NRXN3: variants seen among roughly 807,000 people sequenced by gnomAD.
NRXN3 encodes neurexin III.
In NRXN3, 32 loss-of-function variants were observed where a neutral mutation model predicts 137.6. That is an observed-to-expected ratio of 0.23 (90% CI 0.18 to 0.31). The LOEUF (loss-of-function observed/expected upper bound fraction) is 0.31, where lower values mean the gene tolerates loss of function less well. Among genes scored for constraint, NRXN3 ranks in the 10% least tolerant of loss-of-function variants. The pLI, the probability that NRXN3 is intolerant of heterozygous loss-of-function variation, is 1.00. For missense variants in NRXN3, 1,574 were observed against 2,062.5 expected, an observed-to-expected ratio of 0.76 and a Z score of 4.59; for synonymous variants, 798 against 784.5, an observed-to-expected ratio of 1.02 and a Z score of -0.29.
intron 4 of NRXN3, among the ~76,000 whole-genome samples, chr14:78,333,516 G>C (rs1237222054): frequency 6.6e-6 from 1 of 151,000 alleles, no homozygotes. Context: ...TAGATACATA[G>C]ATAGATGCTG....
At chr14:78,698,892 A>G (rs2098252871) in intron 6 of NRXN3, among the ~76,000 whole-genome samples, 1 of 152,024 alleles carries the variant, frequency 6.6e-6, no homozygotes. Context: ...TCATCTCATT[A>G]CTTATTTTCA....
At chr14:79,835,101 G>T (rs764098050) in intron 20 of NRXN3, among the ~76,000 whole-genome samples, 2 of 152,028 alleles carry the variant, frequency 1.3e-5, no homozygotes, top group Non-Finnish European at 2.9e-5. Flanking sequence ...AAGTTCAAGA[G>T]ATCTATTGCA....
intron 4 of NRXN3, among the ~76,000 whole-genome samples, chr14:78,419,904 A>G (rs924913372): frequency 6.6e-6 from 1 of 151,540 alleles, no homozygotes; most frequent in East Asian, 2.0e-4. Flanking sequence ...AGGACTTTAC[A>G]TGTGTGTGTG....
intron 4 of NRXN3, among the ~76,000 whole-genome samples, chr14:78,422,553 T>A (rs1443528594): frequency 1.3e-5 from 2 of 152,140 alleles, no homozygotes; most frequent in Non-Finnish European, 2.9e-5. Flanking sequence ...ACTGTATAAT[T>A]TTTTTCTTTG....
At chr14:79,140,640 T>C (rs2058705499) in intron 15 of NRXN3, among the ~76,000 whole-genome samples, 1 of 151,086 alleles carries the variant, frequency 6.6e-6, no homozygotes, top group Non-Finnish European at 1.5e-5. Context: ...TAGTGGTTTG[T>C]TACCAAAAAA....
intron 15 of NRXN3, among the ~76,000 whole-genome samples, chr14:79,443,191 TCCTC>T: frequency 6.6e-6 from 1 of 152,342 alleles, no homozygotes. Context: ...GTATTTGACT[TCCTC>T]CTTGCACAGT....
intron 4 of NRXN3, among the ~76,000 whole-genome samples, chr14:78,440,374 A>G (rs1270782897): frequency 6.6e-6 from 1 of 152,064 alleles, no homozygotes; most frequent in Admixed American, 6.5e-5. Context: ...AGATGCAGGC[A>G]TCAGCTGATG....
intron 15 of NRXN3, among the ~76,000 whole-genome samples, chr14:79,194,434 G>C (rs899351486): frequency 1.3e-5 from 2 of 152,196 alleles, no homozygotes; most frequent in African/African-American, 4.8e-5. Flanking sequence ...GAACAGAACT[G>C]TCTGACCAGA....
chr14:78,904,052 A>G (rs2099206711), intron 10 of NRXN3, among the ~76,000 whole-genome samples: 1 of 152,050 alleles, frequency 6.6e-6, no homozygotes, highest in African/African-American at 2.4e-5. Context: ...CATTAGGACA[A>G]TTATGTCTAT....
At chr14:79,567,752 G>A (rs1318785409) in intron 16 of NRXN3, among the ~76,000 whole-genome samples, 2 of 152,062 alleles carry the variant, frequency 1.3e-5, no homozygotes, top group African/African-American at 4.8e-5. Flanking sequence ...AAAAGTTTTA[G>A]ATATTTTTTA....
chr14:79,295,000 G>A (rs957456131), intron 15 of NRXN3, among the ~76,000 whole-genome samples: 1 of 151,664 alleles, frequency 6.6e-6, no homozygotes, highest in African/African-American at 2.4e-5. Flanking sequence ...CACCATTGGA[G>A]CCATCCATCT....
At chr14:78,477,568 C>T (rs2095401688) in intron 4 of NRXN3, among the ~76,000 whole-genome samples, 1 of 152,094 alleles carries the variant, frequency 6.6e-6, no homozygotes. Flanking sequence ...GTTTCATGAC[C>T]AATGCAAATC....
chr14:78,764,799 G>T lies in NRXN3; in HGVS notation c.2045-38821G>T, dbSNP rs1185627368. Among the ~76,000 whole-genome samples, 9 of 152,030 alleles carry T rather than the reference G, an allele frequency of 5.9e-5. 1 individual carries two copies. Among genetic ancestry groups the T allele is most frequent in the Admixed American group, 5.9e-4 (9 of 15,268 alleles). On this transcript the variant is annotated intron_variant, in intron 8 of 20. Coordinates refer to ENST00000335750, the MANE Select transcript of NRXN3 (RefSeq NM_001330195.2). ...TTAGATCAGGCTTCCAAGAGTTTTCGAGAGGAGTGCACCATTAGACCTTGC... is the reference window on the plus strand; with the variant it reads ...TTAGATCAGGCTTCCAAGAGTTTTCTAGAGGAGTGCACCATTAGACCTTGC...
chr14:78,940,257 C>G (rs2099350484), intron 10 of NRXN3, among the ~76,000 whole-genome samples: 1 of 152,176 alleles, frequency 6.6e-6, no homozygotes, highest in South Asian at 2.1e-4. Flanking sequence ...TCTGCACATT[C>G]ATTAAAAAGC....
At chr14:78,899,270 A>C (rs28612381) in intron 10 of NRXN3, among the ~76,000 whole-genome samples, 8 of 152,000 alleles carry the variant, frequency 5.3e-5, no homozygotes, top group Non-Finnish European at 7.4e-5. Flanking sequence ...GCCCTCCCCC[A>C]AAAATTCAAG....
At chr14:78,626,470 A>T (rs1239978116) in intron 4 of NRXN3, among the ~76,000 whole-genome samples, 1 of 152,240 alleles carries the variant, frequency 6.6e-6, no homozygotes, top group Non-Finnish European at 1.5e-5. Flanking sequence ...CATATAAAGA[A>T]TTTAAAAATA....
At chr14:79,500,729 T>C (rs2096817916) in intron 16 of NRXN3, among the ~76,000 whole-genome samples, 1 of 152,126 alleles carries the variant, frequency 6.6e-6, no homozygotes, top group Non-Finnish European at 1.5e-5. Context: ...GCCTCCTCTG[T>C]GGGTTGCAGT....
At chr14:78,534,197 A>G (rs1327241419) in intron 4 of NRXN3, among the ~76,000 whole-genome samples, 1 of 152,224 alleles carries the variant, frequency 6.6e-6, no homozygotes, top group Non-Finnish European at 1.5e-5. Flanking sequence ...ATGAGGCAAC[A>G]TGGATTTTGC....
At chr14:78,246,893 G>T (rs2067770026) in intron 2 of NRXN3, among the ~76,000 whole-genome samples, 1 of 152,214 alleles carries the variant, frequency 6.6e-6, no homozygotes, top group African/African-American at 2.4e-5. Flanking sequence ...CCATGTCACA[G>T]TACTGAGACC....
Sources: allele counts gnomAD v4.1 joint callset (sites outside exome capture counted in the v4.1 genomes callset), GRCh38; gene constraint gnomAD v4.1.1; transcripts MANE v1.5; gene names NCBI Gene and HGNC (gene_info 2026-07-23, HGNC 2026-07-21).